Variants in FILIP1L observed in about 807,000 individuals in gnomAD.
The protein encoded by FILIP1L is filamin A interacting protein 1 like.
FILIP1L carries 55 observed loss-of-function variants against 96.6 expected under a neutral mutation model. The ratio of observed to expected loss-of-function variants is 0.57; its 90% confidence interval spans 0.46 to 0.71. The LOEUF (loss-of-function observed/expected upper bound fraction) is 0.71. Ranked by LOEUF, FILIP1L falls within the 30% of genes least tolerant of loss-of-function variation. FILIP1L has a pLI of 0.00. For missense variants in FILIP1L, 1,304 were observed against 1,321.2 expected, an observed-to-expected ratio of 0.99 and a Z score of 0.20; for synonymous variants, 467 against 473.9, an observed-to-expected ratio of 0.99 and a Z score of 0.19.
chr3:99,921,811 G>T (rs144898688), intron 4 of FILIP1L, among the ~76,000 whole-genome samples: 133 of 152,088 alleles, frequency 8.7e-4, no homozygotes, highest in African/African-American at 3.1e-3. Flanking sequence ...TGATTTAGTA[G>T]TATACACTTT....
chr3:99,952,589 A>G (rs934494552), intron 1 of FILIP1L, among the ~76,000 whole-genome samples: 4 of 152,174 alleles, frequency 2.6e-5, no homozygotes, highest in African/African-American at 9.7e-5. Context: ...AGAAAACACT[A>G]TGCTTTGGTT....
intron 1 of FILIP1L, among the ~76,000 whole-genome samples, chr3:99,950,820 G>A (rs1401222328): frequency 6.6e-6 from 1 of 152,166 alleles, no homozygotes; most frequent in African/African-American, 2.4e-5. Context: ...ACAGAGCTAT[G>A]TATTTGGCCC....
At chr3:99,858,565 A>C (rs1944089054) in intron 4 of FILIP1L, among the ~76,000 whole-genome samples, 1 of 152,216 alleles carries the variant, frequency 6.6e-6, no homozygotes, top group Non-Finnish European at 1.5e-5. Context: ...ACTTTTACAA[A>C]ATTATTTAGT....
chr3:99,858,266 C>T (rs777046002), intron 4 of FILIP1L, among the ~76,000 whole-genome samples: 5 of 151,916 alleles, frequency 3.3e-5, no homozygotes, highest in Non-Finnish European at 5.9e-5. Context: ...GAGATCGAGA[C>T]CATCCTGGCT....
At chr3:99,943,775 G>A (rs1707923115) in intron 1 of FILIP1L, among the ~76,000 whole-genome samples, 1 of 152,194 alleles carries the variant, frequency 6.6e-6, no homozygotes, top group East Asian at 1.9e-4. Context: ...TATAAGCAAA[G>A]CAGTAATAAA....
chr3:100,071,591 C>G (rs2065764868), intron 1 of FILIP1L, among the ~76,000 whole-genome samples: 1 of 152,164 alleles, frequency 6.6e-6, no homozygotes, highest in Non-Finnish European at 1.5e-5. Context: ...GAGCCAAGCC[C>G]CATTTTTGAT....
At chr3:99,836,118 C>T (rs2107494928) in intron 5 of FILIP1L, among the ~76,000 whole-genome samples, 1 of 152,226 alleles carries the variant, frequency 6.6e-6, no homozygotes, top group East Asian at 1.9e-4. Context: ...TTGCTGTGAT[C>T]AGAATGGTAT....
intron 4 of FILIP1L, among the ~76,000 whole-genome samples, chr3:99,885,452 T>G (rs1705862663): frequency 6.6e-6 from 1 of 152,252 alleles, no homozygotes; most frequent in Non-Finnish European, 1.5e-5. Flanking sequence ...ACTAGCCCAA[T>G]TACATTTTAT....
chr3:100,095,258 AT>A (rs1160263981), intron 1 of FILIP1L, among the ~76,000 whole-genome samples: 2 of 152,128 alleles, frequency 1.3e-5, no homozygotes, highest in African/African-American at 4.8e-5. Context: ...TCTTGCCTAT[AT>A]CTACAAAAAT....
chr3:100,051,513 C>A (rs1346405958), intron 1 of FILIP1L, among the ~76,000 whole-genome samples: 2 of 129,380 alleles, frequency 1.5e-5, no homozygotes, highest in African/African-American at 5.8e-5. Flanking sequence ...CCCCTCCCCC[C>A]ACCCCACAAC....
At chr3:99,965,282 A>G (rs897690968) in intron 1 of FILIP1L, among the ~76,000 whole-genome samples, 2 of 152,084 alleles carry the variant, frequency 1.3e-5, no homozygotes, top group South Asian at 2.1e-4. Flanking sequence ...TGTTCTTTGT[A>G]TATGTGGGAG....
intron 1 of FILIP1L, among the ~76,000 whole-genome samples, chr3:99,938,283 T>A (rs1026358556): frequency 1.3e-5 from 2 of 152,268 alleles, no homozygotes; most frequent in Non-Finnish European, 2.9e-5. Flanking sequence ...CACTATTTTT[T>A]AATTTGACAG....
intron 4 of FILIP1L, among the ~76,000 whole-genome samples, chr3:99,880,216 C>G (rs1431275445): frequency 6.6e-6 from 1 of 152,126 alleles, no homozygotes; most frequent in Admixed American, 6.5e-5. Flanking sequence ...TCTAATCAAC[C>G]TCATTTCTTC....
intron 4 of FILIP1L, among the ~76,000 whole-genome samples, chr3:99,895,043 A>G (rs1706203871): frequency 6.6e-6 from 1 of 152,182 alleles, no homozygotes. Flanking sequence ...ACTAACCTGA[A>G]GAAAAGTAGC....
At chr3:99,884,588 G>C (rs952613372) in intron 4 of FILIP1L, among the ~76,000 whole-genome samples, 2 of 152,096 alleles carry the variant, frequency 1.3e-5, no homozygotes, top group Non-Finnish European at 2.9e-5. Flanking sequence ...CCACTTTATG[G>C]GATTCTGTAG....
chr3:99,833,912 C>T (rs75718785), intron 5 of FILIP1L, among the ~76,000 whole-genome samples: 3 of 152,174 alleles, frequency 2.0e-5, no homozygotes, highest in African/African-American at 7.2e-5. Context: ...GTTTTTATCT[C>T]AGTGTTTAAT....
intron 3 of FILIP1L, among the ~76,000 whole-genome samples, chr3:99,929,382 C>T (rs1310994220): frequency 6.6e-6 from 1 of 152,208 alleles, no homozygotes; most frequent in Non-Finnish European, 1.5e-5. Context: ...ATTTCTTGGA[C>T]AGTTCTTTAG....
chr3:100,011,205 T>TA (rs1710146210), intron 1 of FILIP1L, among the ~76,000 whole-genome samples: 1 of 152,174 alleles, frequency 6.6e-6, no homozygotes, highest in Non-Finnish European at 1.5e-5. Flanking sequence ...CTATATTTGA[T>TA]ACACTTTCTG....
intron 1 of FILIP1L, among the ~76,000 whole-genome samples, chr3:99,946,207 C>T (rs535506163): frequency 6.6e-6 from 1 of 152,330 alleles, no homozygotes; most frequent in South Asian, 2.1e-4. Flanking sequence ...ATGTCTATTA[C>T]ATCTTCAGAA....
Sources: allele counts gnomAD v4.1 joint callset (sites outside exome capture counted in the v4.1 genomes callset), GRCh38; gene constraint gnomAD v4.1.1; transcripts MANE v1.5; gene names NCBI Gene and HGNC (gene_info 2026-07-23, HGNC 2026-07-21).